The following SLC12A8 variants were observed in gnomAD, a reference collection of about 807,000 sequenced individuals.
SLC12A8 encodes the protein solute carrier family 12 member 8, also known as cation-chloride cotransporter 9.
SLC12A8 carries 69 observed loss-of-function variants against 75.6 expected under a neutral mutation model. The observed-to-expected ratio is 0.91, with a 90% CI of 0.75 to 1.11. The LOEUF (loss-of-function observed/expected upper bound fraction) is 1.11, where lower values mean the gene tolerates loss of function less well. Ranked by LOEUF, SLC12A8 falls within the 50% of genes most tolerant of loss-of-function variation. The pLI is 0.00. For missense variants in SLC12A8, 877 were observed against 896.7 expected (o/e 0.98, Z 0.28); for synonymous variants, 365 against 372.8 (o/e 0.98, Z 0.24).
intron 9 of SLC12A8, among the ~76,000 whole-genome samples, chr3:125,109,758 C>T (rs897583692): frequency 1.3e-5 from 2 of 152,202 alleles, no homozygotes; most frequent in Admixed American, 1.3e-4. Context: ...CAAACAGCAA[C>T]CCCCAAGGGG....
intron 2 of SLC12A8, among the ~76,000 whole-genome samples, chr3:125,204,713 C>T (rs1935193685): frequency 6.6e-6 from 1 of 151,988 alleles, no homozygotes; most frequent in Non-Finnish European, 1.5e-5. Flanking sequence ...TTCAAAATAG[C>T]TAGAGGAGAA....
At chr3:125,102,048 G>A (rs570041444) in intron 10 of SLC12A8, among the ~76,000 whole-genome samples, 2 of 152,280 alleles carry the variant, frequency 1.3e-5, no homozygotes, top group African/African-American at 4.8e-5. Context: ...AAAGACAAAT[G>A]TGTGAACAAA....
At chr3:125,183,312 A>G (rs550442670) in intron 4 of SLC12A8, among the ~76,000 whole-genome samples, 1 of 152,254 alleles carries the variant, frequency 6.6e-6, no homozygotes, top group African/African-American at 2.4e-5. Context: ...TAGACCAGGC[A>G]TTCCTTTTCT....
chr3:125,129,655 C>A (rs1478953433), intron 6 of SLC12A8, among the ~76,000 whole-genome samples: 4 of 152,172 alleles, frequency 2.6e-5, no homozygotes, highest in African/African-American at 9.7e-5. Context: ...TCTCTCCTCG[C>A]CACAGTCTGG....
At chr3:125,133,444 C>T (rs955495112) in intron 6 of SLC12A8, among the ~76,000 whole-genome samples, 1 of 151,934 alleles carries the variant, frequency 6.6e-6, no homozygotes, top group African/African-American at 2.4e-5. Context: ...GTGACCAAAG[C>T]TCACTGTAGC....
At chr3:125,124,572 C>G (rs1933149524) in intron 6 of SLC12A8, among the ~76,000 whole-genome samples, 1 of 152,194 alleles carries the variant, frequency 6.6e-6, no homozygotes, top group Admixed American at 6.5e-5. Flanking sequence ...GGTGATCTGA[C>G]TGCCTCGGCC....
At chr3:125,183,718 C>G (rs1385329804) in intron 4 of SLC12A8, among the ~76,000 whole-genome samples, 4 of 152,142 alleles carry the variant, frequency 2.6e-5, no homozygotes, top group Non-Finnish European at 1.5e-5. Flanking sequence ...AACGTTCTTC[C>G]ACGTGTCAGC....
At chr3:125,174,924 G>A (rs576518271) in intron 5 of SLC12A8, among the ~76,000 whole-genome samples, 1 of 152,294 alleles carries the variant, frequency 6.6e-6, no homozygotes, top group Admixed American at 6.5e-5. Context: ...TCCATAGAAT[G>A]TATAATACTG....
At chr3:125,101,327 A>G (rs770794673) in intron 10 of SLC12A8, among the ~76,000 whole-genome samples, 10 of 152,372 alleles carry the variant, frequency 6.6e-5, no homozygotes, top group South Asian at 2.1e-4. Flanking sequence ...GGATGTGCTC[A>G]GTAAGTGCTG....
intron 2 of SLC12A8, among the ~76,000 whole-genome samples, chr3:125,197,241 T>C (rs1935025273): frequency 6.6e-6 from 1 of 152,144 alleles, no homozygotes; most frequent in Non-Finnish European, 1.5e-5. Context: ...CAATAGAATA[T>C]TCAAGGAATA....
At chr3:125,088,509 A>G in intron 12 of SLC12A8, 139 bp from the exon 13 acceptor site, 1 of 690,102 alleles carries the variant, frequency 1.4e-6, no homozygotes, top group East Asian at 2.8e-5. Context: ...TTTTCAGTCT[A>G]AACAAATAAT....
chr3:125,169,306 C>T (rs570232008), intron 5 of SLC12A8, among the ~76,000 whole-genome samples: 1 of 152,254 alleles, frequency 6.6e-6, no homozygotes, highest in Non-Finnish European at 1.5e-5. Context: ...AGTGAAGAAG[C>T]TCTGTGTCTT....
chr3:125,097,812 A>G (rs1938755116), intron 10 of SLC12A8, among the ~76,000 whole-genome samples: 1 of 152,162 alleles, frequency 6.6e-6, no homozygotes, highest in African/African-American at 2.4e-5. Flanking sequence ...TGGAGAAAGC[A>G]AGTTGTACAA....
intron 5 of SLC12A8, among the ~76,000 whole-genome samples, chr3:125,149,642 A>G (rs1160482161): frequency 6.6e-6 from 1 of 152,238 alleles, no homozygotes; most frequent in Admixed American, 6.5e-5. Context: ...AATATTCAAC[A>G]GGTAGAACAA....
intron 5 of SLC12A8, among the ~76,000 whole-genome samples, chr3:125,158,649 A>T (rs2107776270): frequency 6.6e-6 from 1 of 152,308 alleles, no homozygotes; most frequent in South Asian, 2.1e-4. Context: ...CCCTGGAGTG[A>T]TACCTAAAAA....
intron 2 of SLC12A8, among the ~76,000 whole-genome samples, chr3:125,202,556 T>C (rs1308911666): frequency 6.6e-6 from 1 of 152,110 alleles, no homozygotes; most frequent in Non-Finnish European, 1.5e-5. Context: ...TGGATGAAAT[T>C]TACCTTAAGG....
chr3:125,112,371 G>A (rs1226397082), intron 8 of SLC12A8, among the ~76,000 whole-genome samples: 1 of 152,082 alleles, frequency 6.6e-6, no homozygotes, highest in African/African-American at 2.4e-5. Flanking sequence ...GTCATCTAGT[G>A]TTTCCATCAC....
intron 10 of SLC12A8, among the ~76,000 whole-genome samples, chr3:125,096,231 T>C (rs1423863673): frequency 6.6e-6 from 1 of 152,234 alleles, no homozygotes; most frequent in East Asian, 1.9e-4. Flanking sequence ...CATTAAAATA[T>C]CATCTTCCCA....
At chr3:125,087,897 A>G (rs1323615910) in intron 13 of SLC12A8, among the ~76,000 whole-genome samples, 1 of 152,186 alleles carries the variant, frequency 6.6e-6, no homozygotes. Context: ...AGTCATGTCA[A>G]CTACCTCTGA....
Sources: allele counts gnomAD v4.1 joint callset (sites outside exome capture counted in the v4.1 genomes callset), GRCh38; gene constraint gnomAD v4.1.1; transcripts MANE v1.5; gene names NCBI Gene and HGNC (gene_info 2026-07-23, HGNC 2026-07-21).